Variants in SH3D19 observed in about 807,000 individuals in gnomAD.
The protein encoded by SH3D19 is SH3 domain-containing protein 19.
SH3D19 carries 58 observed loss-of-function variants against 112.1 expected under a neutral mutation model. The ratio of observed to expected loss-of-function variants is 0.52; its 90% CI spans 0.42 to 0.64. The LOEUF (loss-of-function observed/expected upper bound fraction) is 0.64. Ranked by LOEUF, SH3D19 falls within the 30% of genes least tolerant of loss-of-function variation. The pLI is 0.00. For synonymous variants in SH3D19, 391 were observed against 448.5 expected (o/e 0.87, Z 1.62); for missense variants, 1,090 against 1,263.4 (o/e 0.86, Z 2.08).
chr4:151,212,652 A>G (rs185879596), intron 2 of SH3D19, among the ~76,000 whole-genome samples: 38 of 152,354 alleles, frequency 2.5e-4, no homozygotes, highest in African/African-American at 8.9e-4. Flanking sequence ...TGGTCACCCA[A>G]GAGCTCTGAT....
intron 2 of SH3D19, among the ~76,000 whole-genome samples, chr4:151,222,939 T>A (rs568005392): frequency 1.3e-4 from 20 of 151,840 alleles, no homozygotes; most frequent in African/African-American, 4.3e-4. Flanking sequence ...AATGCTGGGA[T>A]TACAGGTGTG....
intron 1 of SH3D19, among the ~76,000 whole-genome samples, chr4:151,255,182 T>G (rs1237964482): frequency 9.6e-5 from 14 of 146,240 alleles, no homozygotes; most frequent in African/African-American, 3.6e-4. Context: ...CGCTCCTCAC[T>G]TCCCAGATGG....
At chr4:151,257,058 TTTC>T (rs1338870168) in intron 1 of SH3D19, among the ~76,000 whole-genome samples, 2 of 151,468 alleles carry the variant, frequency 1.3e-5, no homozygotes, top group Non-Finnish European at 2.9e-5. Context: ...GTTAATTTCT[TTTC>T]TTCTTATTTA....
At chr4:151,150,403 T>C (rs966403669) in intron 9 of SH3D19, among the ~76,000 whole-genome samples, 1 of 150,060 alleles carries the variant, frequency 6.7e-6, no homozygotes, top group African/African-American at 2.4e-5. Flanking sequence ...AACACACTGC[T>C]CCTAAATTTA....
At chr4:151,238,441 T>G (rs1325039574) in intron 1 of SH3D19, among the ~76,000 whole-genome samples, 1 of 152,198 alleles carries the variant, frequency 6.6e-6, no homozygotes, top group Non-Finnish European at 1.5e-5. Flanking sequence ...AATAAAGATT[T>G]TATTTTCTTT....
At chr4:151,200,317 T>C (rs1297569167) in intron 2 of SH3D19, among the ~76,000 whole-genome samples, 1 of 152,098 alleles carries the variant, frequency 6.6e-6, no homozygotes, top group Non-Finnish European at 1.5e-5. Context: ...TGAGAACGCA[T>C]CTACCCAGTG....
chr4:151,153,139 A>AT (rs1755387520), intron 9 of SH3D19, among the ~76,000 whole-genome samples: 2 of 151,778 alleles, frequency 1.3e-5, no homozygotes, highest in Admixed American at 6.6e-5. Flanking sequence ...CAGCTGCTAT[A>AT]TTTTTTTAAA....
intron 1 of SH3D19, among the ~76,000 whole-genome samples, chr4:151,290,861 G>C (rs1775260303): frequency 6.6e-6 from 1 of 152,106 alleles, no homozygotes; most frequent in African/African-American, 2.4e-5. Flanking sequence ...CATCTCATTA[G>C]TTTTATTTCT....
In SH3D19 at chr4:151,325,281, G is replaced by C. The variant is rs1730941311; in HGVS notation, c.72C>G (p.Arg24=). The change falls in exon 1 of 20, where the codon CGC becomes CGG. Residue 24 remains arginine (R), a synonymous_variant. Coordinates refer to ENST00000604030, the MANE Select transcript of SH3D19 (RefSeq NM_001378122.1). ...LRERRELGGQ[R]RARGRALSGH... The stretch of plus-strand genomic sequence containing the variant: ...CCGAGAGCGCACGGCCCCGGGCGCG[G>C]CGCTGGCCACCAAGTTCGCGGCGCT... 2 of 1,221,640 alleles carry C rather than the reference G, an allele frequency of 1.6e-6. No homozygotes were observed. Among genetic ancestry groups the C allele is most frequent in the South Asian group, 4.1e-5 (1 of 24,252 alleles). 75.7% of individuals were successfully genotyped at this position (1,221,640 alleles called of 1,614,324 possible).
At chr4:151,160,858 T>G (rs1757031333) in intron 8 of SH3D19, among the ~76,000 whole-genome samples, 2 of 152,196 alleles carry the variant, frequency 1.3e-5, no homozygotes, top group South Asian at 4.2e-4. Flanking sequence ...AGGCAAACAT[T>G]CTTAGTGAGA....
chr4:151,282,154 G>C (rs1425989091), intron 1 of SH3D19: 1 of 1,613,654 alleles, frequency 6.2e-7, no homozygotes, highest in Non-Finnish European at 8.5e-7. Flanking sequence ...ATAGGACCTG[G>C]ACTACTTTTT....
intron 11 of SH3D19, chr4:151,144,382 G>A (rs1753559734): frequency 9.1e-7 from 1 of 1,102,428 alleles, no homozygotes; most frequent in South Asian, 1.3e-5. Context: ...TGTGCCTAAA[G>A]TGCACCTTCT....
chr4:151,230,085 A>G (rs1168015322), intron 1 of SH3D19, among the ~76,000 whole-genome samples: 2 of 152,166 alleles, frequency 1.3e-5, no homozygotes, highest in Non-Finnish European at 2.9e-5. Context: ...TGGGTCAAGG[A>G]TTCTGTGTAA....
intron 4 of SH3D19, among the ~76,000 whole-genome samples, chr4:151,177,896 T>C (rs1238053256): frequency 6.6e-6 from 1 of 152,160 alleles, no homozygotes; most frequent in African/African-American, 2.4e-5. Context: ...TTTATCTTTT[T>C]CTTAATCTGA....
intron 1 of SH3D19, among the ~76,000 whole-genome samples, chr4:151,322,116 A>C (rs1730593676): frequency 6.6e-6 from 1 of 152,056 alleles, no homozygotes; most frequent in Admixed American, 6.6e-5. Context: ...CTTTCCTATA[A>C]CTGCTTATTA....
At chr4:151,178,418 T>C (rs58288902) in intron 4 of SH3D19, among the ~76,000 whole-genome samples, 8,335 of 152,300 alleles carry the variant, frequency 0.055, 701 homozygotes, top group African/African-American at 0.19. Flanking sequence ...TCATGCTACA[T>C]TGTGAAACAG....
intron 7 of SH3D19, among the ~76,000 whole-genome samples, chr4:151,168,122 A>T (rs1290276717): frequency 6.6e-6 from 1 of 152,220 alleles, no homozygotes; most frequent in Non-Finnish European, 1.5e-5. Context: ...CAGCAGGAAG[A>T]TCGAGACAAG....
chr4:151,140,012 T>C, intron 12 of SH3D19, 165 bp from the exon 13 acceptor site: 2 of 564,230 alleles, frequency 3.5e-6, no homozygotes, highest in Non-Finnish European at 6.3e-6. Flanking sequence ...GGAATTATTA[T>C]CAAGTTGAAG....
chr4:151,237,472 T>G (rs1770205691), intron 1 of SH3D19, among the ~76,000 whole-genome samples: 2 of 152,206 alleles, frequency 1.3e-5, no homozygotes, highest in Non-Finnish European at 2.9e-5. Flanking sequence ...AATCAATAAA[T>G]ATTTCAGTAT....
Sources: allele counts gnomAD v4.1 joint callset (sites outside exome capture counted in the v4.1 genomes callset), GRCh38; gene constraint gnomAD v4.1.1; transcripts MANE v1.5; gene names NCBI Gene and HGNC (gene_info 2026-07-23, HGNC 2026-07-21).